ADCYAP1R1: variants seen among roughly 807,000 people sequenced by gnomAD.
ADCYAP1R1 encodes the protein pituitary adenylate cyclase-activating polypeptide type I receptor.
In ADCYAP1R1, 44 loss-of-function variants were observed where a neutral mutation model predicts 67.6. The ratio of observed to expected loss-of-function variants is 0.65; its 90% CI spans 0.51 to 0.84. ADCYAP1R1 has a LOEUF of 0.84. Among genes scored for constraint, ADCYAP1R1 ranks in the 40% least tolerant of loss-of-function variants. The pLI is 0.00. For missense variants in ADCYAP1R1, 477 were observed against 587.9 expected (o/e 0.81, Z 1.95); for synonymous variants, 222 against 219.6 (o/e 1.01, Z -0.10).
At chr7:31,080,714 C>T (rs751333283) in intron 5 of ADCYAP1R1, 81 bp downstream of exon 5, 59 of 1,474,034 alleles carry the variant, frequency 4.0e-5, no homozygotes, top group Admixed American at 6.9e-5. Context: ...TCCCAGGCTC[C>T]GGCTGCTGGG....
In ADCYAP1R1 at chr7:31,077,986, C is replaced by T. The variant is rs756395323; in HGVS notation, c.158-5C>T. ...CCCCTCTCACCATGGCTGTCTTACCCACAGGCTGTCCTGGGATGTGGGACA... is the reference window on the plus strand; with the variant it reads ...CCCCTCTCACCATGGCTGTCTTACCTACAGGCTGTCCTGGGATGTGGGACA... On this transcript the variant is annotated splice_region_variant and splice_polypyrimidine_tract_variant and intron_variant, in intron 3 of 15. Coordinates refer to ENST00000304166, the MANE Select transcript of ADCYAP1R1 (RefSeq NM_001118.5). The T allele has an allele frequency of 6.2e-6, 10 of 1,601,234 alleles. No homozygotes were observed. The Admixed American group carries it at 1.2e-4, about 19-fold the overall frequency.
rs1403077547 is a variant in ADCYAP1R1 at position 31,077,929 on chromosome 7, G to A, written c.158-62G>A. 7 of 1,100,268 alleles carry A rather than the reference G, an allele frequency of 6.4e-6. No homozygotes were observed. In the East Asian group the frequency reaches 1.4e-4, roughly 23 times the overall value. 68.2% of individuals were successfully genotyped at this position (1,100,268 alleles called of 1,614,324 possible). On this transcript the variant is annotated intron_variant, in intron 3 of 15. Transcript: ENST00000304166. ...GTATGTTGGTGTGTGTGATGTGTGT[G>A]GTGGTGTGTGTGTATGGGTGTGTGT... is the stretch of plus-strand genomic sequence containing the variant.
At chr7:31,076,805 C>A (rs896196637) in intron 3 of ADCYAP1R1, among the ~76,000 whole-genome samples, 4 of 152,234 alleles carry the variant, frequency 2.6e-5, no homozygotes, top group Admixed American at 2.6e-4. Context: ...CCCCTTAGGG[C>A]GGATGGGGGG....
intron 1 of ADCYAP1R1, among the ~76,000 whole-genome samples, chr7:31,057,370 G>A (rs1794295945): frequency 6.6e-6 from 1 of 152,234 alleles, no homozygotes; most frequent in Non-Finnish European, 1.5e-5. Flanking sequence ...GGACTCTGCA[G>A]CATGACCTTG....
Position 31,080,631 on chromosome 7 carries a change from T to C in ADCYAP1R1, c.284T>C (p.Ile95Thr). ...NPDQVWETETIGESDFGDSNS... is the reference protein window; with the variant it reads ...NPDQVWETETTGESDFGDSNS... ...GTTTCAGTCTGGGAGACCGAAACCA[T>C]TGGTAAGAGGAACCTTGGTGAGGAT... Residue 95 changes from isoleucine (I) to threonine (T), a missense_variant and splice_region_variant, in exon 5 of 16, where the codon ATT becomes ACT. Transcript: ENST00000304166. 6.2e-7 allele frequency: 1 copy of C among 1,613,884 alleles called. No homozygotes were observed.
intron 3 of ADCYAP1R1, among the ~76,000 whole-genome samples, chr7:31,075,164 C>T (rs1477729162): frequency 6.6e-6 from 1 of 152,210 alleles, no homozygotes; most frequent in African/African-American, 2.4e-5. Context: ...CAGGTCCCTG[C>T]TTTACCTCCC....
rs555517750 is a variant in ADCYAP1R1, at chr7:31,061,718, A to G, written c.-71-1476A>G. ...ATTTCTGCTTTTTGGATGCCTGCTT[A>G]TCTCCAGCTTAAGCTTGGAGAGGCC... On this transcript the variant is annotated intron_variant, in intron 1 of 15. Transcript: ENST00000304166. 6.6e-5 allele frequency among the ~76,000 whole-genome samples: 10 copies of G among 152,216 alleles called. No homozygotes were observed. The South Asian group carries it at 2.1e-3, about 32-fold the overall frequency.
In ADCYAP1R1 at chr7:31,111,122, G is replaced by C. The variant is rs996055470; in HGVS notation, c.*4438G>C. The C allele has an allele frequency of 2.0e-5, 3 of 152,208 alleles. No individual in the cohort carries two copies. The highest frequency in any genetic ancestry group is 6.5e-5 in the Admixed American group (1 of 15,282). 9.4% of individuals were successfully genotyped at this position (152,208 alleles called of 1,614,324 possible). On this transcript the variant is annotated 3_prime_UTR_variant, in exon 16 of 16. Coordinates refer to ENST00000304166, the MANE Select transcript of ADCYAP1R1 (RefSeq NM_001118.5). ...TGGGTGATAGCAGCCATGCCCCTGG[G>C]AGTCAACTTCAAGGATCTGGGACAT...
At chr7:31,099,023 C>T (rs753608265) in intron 13 of ADCYAP1R1, among the ~76,000 whole-genome samples, 2 of 152,156 alleles carry the variant, frequency 1.3e-5, no homozygotes, top group African/African-American at 2.4e-5. Context: ...ATCTCTGACA[C>T]ATCTGTCAGA....
rs1430562008 is a variant in ADCYAP1R1 at position 31,102,953 on chromosome 7, G to A, written c.1047-284G>A. 6.6e-6 allele frequency among the ~76,000 whole-genome samples: 1 copy of A among 152,190 alleles called. No homozygotes were observed. Among genetic ancestry groups the A allele is most frequent in the Non-Finnish European group, 1.5e-5 (1 of 68,028 alleles). The stretch of plus-strand genomic sequence containing the variant: ...TGCCCTGACTTTGCTTTTCCAGAAG[G>A]TTTTGCACGTCACCCAAGGGGTCCC... On this transcript the variant is annotated intron_variant, in intron 13 of 15. Coordinates refer to ENST00000304166, the MANE Select transcript of ADCYAP1R1 (RefSeq NM_001118.5). The surrounding 1 kb of genome is among the most constrained non-coding windows in gnomAD (Gnocchi z 4.3).
chr7:31,067,230 C>T (rs1253516083), intron 3 of ADCYAP1R1, among the ~76,000 whole-genome samples: 5 of 152,128 alleles, frequency 3.3e-5, no homozygotes, highest in Non-Finnish European at 2.9e-5. Context: ...GGAGAGGATC[C>T]CTCATCTATC....
intron 1 of ADCYAP1R1, among the ~76,000 whole-genome samples, chr7:31,062,821 A>G (rs902423690): frequency 8.5e-5 from 13 of 152,212 alleles, no homozygotes; most frequent in African/African-American, 3.1e-4. Context: ...ATACCAGGAA[A>G]TATCATCTCT....
intron 13 of ADCYAP1R1, among the ~76,000 whole-genome samples, chr7:31,096,908 G>A (rs1346488348): frequency 6.6e-6 from 1 of 152,238 alleles, no homozygotes; most frequent in East Asian, 1.9e-4. Flanking sequence ...AGACAGGGAT[G>A]CTGCCTGCAA....
intron 13 of ADCYAP1R1, among the ~76,000 whole-genome samples, chr7:31,095,117 C>A (rs145305555): frequency 3.9e-5 from 6 of 152,274 alleles, no homozygotes; most frequent in African/African-American, 9.6e-5. Context: ...AACTGTAGAG[C>A]ACTTGGAAAT....
At chr7:31,071,862 A>C (rs555885218) in intron 3 of ADCYAP1R1, among the ~76,000 whole-genome samples, 1 of 152,078 alleles carries the variant, frequency 6.6e-6, no homozygotes, top group African/African-American at 2.4e-5. Context: ...GCACCATCTC[A>C]AACTGAACAT....
intron 6 of ADCYAP1R1, among the ~76,000 whole-genome samples, chr7:31,083,558 C>T (rs530339490): frequency 5.3e-5 from 8 of 152,320 alleles, no homozygotes; most frequent in South Asian, 2.1e-4. Context: ...TCCGGCCCTA[C>T]GTTAGTGGAA....
At chr7:31,053,019 A>C (rs1299666330) in intron 1 of ADCYAP1R1, among the ~76,000 whole-genome samples, 1 of 152,154 alleles carries the variant, frequency 6.6e-6, no homozygotes, top group Non-Finnish European at 1.5e-5. Flanking sequence ...AAGGGAGACC[A>C]GGGGGGCAGG....
intron 5 of ADCYAP1R1, 65 bp downstream of exon 5, chr7:31,080,698 A>G: frequency 1.3e-6 from 2 of 1,542,278 alleles, no homozygotes; most frequent in Non-Finnish European, 1.8e-6. Context: ...GCCCAGCCTC[A>G]GGAGATCCCA....
At chr7:31,092,795 A>G in intron 13 of ADCYAP1R1, 60 bp downstream of exon 13, 1 of 1,305,062 alleles carries the variant, frequency 7.7e-7, no homozygotes, top group Non-Finnish European at 1.1e-6. Context: ...CCCTGCATTC[A>G]GGTCACAGCA....
Sources: gnomAD v4.1 joint callset for allele counts (sites outside exome capture counted in the v4.1 genomes callset) on GRCh38, gnomAD v4.1.1 for gene constraint, Gnocchi (gnomAD v3.1) non-coding constraint, MANE v1.5 for transcripts, NCBI Gene and HGNC (gene_info 2026-07-23, HGNC 2026-07-21) for gene names.